The following HMG20A variants were observed in gnomAD, a reference collection of about 807,000 sequenced individuals.
HMG20A encodes high mobility group 20A, also known as high mobility group protein 20A.
In HMG20A, 17 loss-of-function variants were observed where a neutral mutation model predicts 43.9. The ratio of observed to expected loss-of-function variants is 0.39; its 90% CI spans 0.27 to 0.58. HMG20A has a LOEUF of 0.58. Ranked by LOEUF, HMG20A falls within the 20% of genes least tolerant of loss-of-function variation. The pLI, the probability that HMG20A is intolerant of heterozygous loss-of-function variation, is 0.59. For missense variants in HMG20A, 341 were observed against 438.2 expected (o/e 0.78, Z 1.98); for synonymous variants, 132 against 147.5 (o/e 0.89, Z 0.76).
chr15:77,475,380 G>GCA (rs2072846002), intron 6 of HMG20A, among the ~76,000 whole-genome samples: 1 of 152,220 alleles, frequency 6.6e-6, no homozygotes, highest in Non-Finnish European at 1.5e-5. Context: ...GTGTGTTAAT[G>GCA]CACCTATGTG....
the HMG20A span, among the ~76,000 whole-genome samples, chr15:77,491,040 A>G: frequency 2.0e-5 from 3 of 152,264 alleles, no homozygotes; most frequent in African/African-American, 7.2e-5. Flanking sequence ...TTCTTAGGAA[A>G]AGAATTTTTA....
intron 1 of HMG20A, among the ~76,000 whole-genome samples, chr15:77,431,539 A>C (rs1173299058): frequency 6.6e-6 from 1 of 152,018 alleles, no homozygotes; most frequent in Admixed American, 6.6e-5. Context: ...TAATTGACAA[A>C]AATTATATGT....
chr15:77,430,512 A>C (rs1244808289), intron 1 of HMG20A, among the ~76,000 whole-genome samples: 2 of 152,258 alleles, frequency 1.3e-5, no homozygotes, highest in Admixed American at 1.3e-4. Context: ...AAGTGGGCTG[A>C]TGTTCCATGC....
chr15:77,480,072 C>T (rs975939104), intron 9 of HMG20A, among the ~76,000 whole-genome samples: 3 of 152,060 alleles, frequency 2.0e-5, no homozygotes, highest in Admixed American at 6.5e-5. Context: ...GCAGGCAGAT[C>T]GCTGGAGTCC....
chr15:77,497,358 G>C, the HMG20A span, among the ~76,000 whole-genome samples: 1 of 152,376 alleles, frequency 6.6e-6, no homozygotes, highest in Non-Finnish European at 1.5e-5. Flanking sequence ...TGCCCAAGAG[G>C]AGGCCTCCTG....
intron 1 of HMG20A, among the ~76,000 whole-genome samples, chr15:77,444,443 T>C (rs2073650906): frequency 6.6e-6 from 1 of 152,210 alleles, no homozygotes; most frequent in Non-Finnish European, 1.5e-5. Context: ...GTAAGTGCTC[T>C]AAACACCAAG....
chr15:77,477,623 T>C lies in HMG20A; in HGVS notation c.684T>C (p.His228=), dbSNP rs189063015. 2.5e-6 allele frequency: 4 copies of C among 1,606,080 alleles called. No homozygotes were observed. The highest frequency in any genetic ancestry group is 2.2e-5 in the South Asian group (2 of 90,376). The change falls in exon 7 of 10, where the codon CAT becomes CAC. Residue 228 remains histidine (H), a synonymous_variant. Coordinates refer to ENST00000336216, the MANE Select transcript of HMG20A (RefSeq NM_001304504.2). The stretch of plus-strand genomic sequence containing the variant: ...TATTTACAGAGGAATTCTTGAACCA[T>C]AGCAAAGGTGATTACTGAAGTTTCT... ...IPIFTEEFLN[H]SKAREAELRQ... is the part of the protein sequence containing the mutation.
intron 1 of HMG20A, among the ~76,000 whole-genome samples, chr15:77,448,943 C>T (rs986969641): frequency 2.6e-5 from 4 of 151,860 alleles, no homozygotes; most frequent in South Asian, 4.2e-4. Context: ...CTCAGCCACT[C>T]GGGAGGCTGA....
intron 1 of HMG20A, among the ~76,000 whole-genome samples, chr15:77,445,460 G>A (rs1231730254): frequency 6.6e-6 from 1 of 152,176 alleles, no homozygotes; most frequent in Non-Finnish European, 1.5e-5. Flanking sequence ...TAGGATGCCC[G>A]AAACCATGGA....
At position 77,464,239 on chromosome 15, in the gene HMG20A, G is replaced by A; in HGVS notation, c.90-1G>A. ...TGTTGATACTTCTGCCTATTATTCA[G>A]GTTAAATCACCCAGAGGTTCCATAC... is the stretch of plus-strand genomic sequence containing the variant. On this transcript the variant is annotated splice_acceptor_variant, in intron 2 of 9. Transcript: ENST00000336216. LOFTEE classifies it high-confidence loss of function. 6.2e-7 allele frequency: 1 copy of A among 1,613,332 alleles called. No homozygotes were observed. Among genetic ancestry groups the A allele is most frequent in the Non-Finnish European group, 8.5e-7 (1 of 1,179,542 alleles).
intron 1 of HMG20A, among the ~76,000 whole-genome samples, chr15:77,448,034 T>C (rs1224099830): frequency 6.6e-6 from 1 of 152,210 alleles, no homozygotes; most frequent in African/African-American, 2.4e-5. Flanking sequence ...CCTGATGTTT[T>C]TTCCAGTTAT....
At chr15:77,485,917 C>T (rs558135309), downstream of HMG20A, among the ~76,000 whole-genome samples, 12 of 152,280 alleles carry the variant, frequency 7.9e-5, no homozygotes, top group South Asian at 2.3e-3. Flanking sequence ...GGCAACAGAG[C>T]GAGACTCCGT....
intron 1 of HMG20A, among the ~76,000 whole-genome samples, chr15:77,424,935 C>T (rs2073410328): frequency 6.6e-6 from 1 of 152,154 alleles, no homozygotes; most frequent in African/African-American, 2.4e-5. Flanking sequence ...TTCATCTACA[C>T]ATCCAAACGG....
the HMG20A span, among the ~76,000 whole-genome samples, chr15:77,494,314 G>A: frequency 1.3e-5 from 2 of 152,070 alleles, no homozygotes; most frequent in Non-Finnish European, 2.9e-5. Context: ...ATGTTTTATA[G>A]AGATGGGGGT....
In HMG20A at chr15:77,478,431, C is replaced by A. The variant is rs745332040; in HGVS notation, c.828C>A (p.Ser276Arg). Residue 276 changes from serine to arginine, a missense_variant, in exon 8 of 10, where the codon AGC (serine) becomes AGA (arginine). Ser to Arg is a moderately radical substitution (Grantham distance 110). Coordinates refer to ENST00000336216, the MANE Select transcript of HMG20A (RefSeq NM_001304504.2). ...AGGTGGATGTGATCCAGGAGCGGAGCCGCAACACAGTCTTACAGCAGCACC... is the reference window on the plus strand; with the variant it reads ...AGGTGGATGTGATCCAGGAGCGGAGACGCAACACAGTCTTACAGCAGCACC... ...KLEVDVIQER[S>R]RNTVLQQHLE... 1.9e-6 allele frequency: 3 copies of A among 1,612,744 alleles called. No homozygotes were observed. The highest frequency in any genetic ancestry group is 3.3e-5 in the Admixed American group (2 of 60,024).
rs1308959378 is a variant in HMG20A, at chr15:77,478,524, C to G, written c.907+14C>G. The stretch of plus-strand genomic sequence containing the variant: ...TGCCCTTGCCTGGTAAGTCCTCCTG[C>G]CTGAGAACTGTCAGTGACAGGGGTG... On this transcript the variant is annotated intron_variant, in intron 8 of 9. Transcript: ENST00000336216. 1 of 1,601,884 alleles carries G rather than the reference C, an allele frequency of 6.2e-7. No individual in the cohort carries two copies. The highest frequency in any genetic ancestry group is 2.2e-5 in the East Asian group (1 of 44,816).
chr15:77,453,177 G>T (rs2072620017), intron 1 of HMG20A, among the ~76,000 whole-genome samples: 1 of 152,150 alleles, frequency 6.6e-6, no homozygotes, highest in African/African-American at 2.4e-5. Flanking sequence ...GTTGCAGTGA[G>T]CCAGGATCAC....
chr15:77,459,928 G>A (rs1228916945), intron 2 of HMG20A, among the ~76,000 whole-genome samples: 1 of 152,162 alleles, frequency 6.6e-6, no homozygotes, highest in East Asian at 1.9e-4. Flanking sequence ...AGATCATAGG[G>A]ATCAAAATAT....
At chr15:77,452,448 A>G (rs913109054) in intron 1 of HMG20A, among the ~76,000 whole-genome samples, 2 of 152,234 alleles carry the variant, frequency 1.3e-5, no homozygotes, top group African/African-American at 2.4e-5. Context: ...CCAAGAACAC[A>G]TGCTGAAAGA....
Sources: gnomAD v4.1 joint callset for allele counts (sites outside exome capture counted in the v4.1 genomes callset) on GRCh38, gnomAD v4.1.1 for gene constraint, MANE v1.5 for transcripts, NCBI Gene and HGNC (gene_info 2026-07-23, HGNC 2026-07-21) for gene names.